Variants in GTF2F2 observed in about 807,000 individuals in gnomAD.
GTF2F2 encodes the protein general transcription factor IIF subunit 2.
GTF2F2 carries 23 observed loss-of-function variants against 42.2 expected under a neutral mutation model. The observed-to-expected ratio is 0.55, with a 90% CI of 0.39 to 0.77. GTF2F2 has a LOEUF of 0.77. Among genes scored for constraint, GTF2F2 ranks in the 30% least tolerant of loss-of-function variants. The probability of loss-of-function intolerance (pLI) is 0.00; values close to 1 mark genes in which losing one functional copy is unlikely to be tolerated. For missense variants in GTF2F2, 261 were observed against 287.2 expected (o/e 0.91, Z 0.66); for synonymous variants, 105 against 100.8 (o/e 1.04, Z -0.25).
intron 4 of GTF2F2, chr13:45,194,147 T>G (rs185309053): frequency 6.2e-7 from 1 of 1,614,106 alleles, no homozygotes; most frequent in Non-Finnish European, 8.5e-7. Context: ...TCCAAGAAAG[T>G]AGTCTCTCTG....
Sources: allele counts gnomAD v4.1 joint callset, GRCh38; gene constraint gnomAD v4.1.1; transcripts MANE v1.5; gene names NCBI Gene and HGNC (gene_info 2026-07-23, HGNC 2026-07-21).